The following EYA1 variants were observed in gnomAD, a reference collection of about 807,000 sequenced individuals.
EYA1 encodes the protein protein phosphatase EYA1.
EYA1 carries 16 observed loss-of-function variants against 82.0 expected under a neutral mutation model. The ratio of observed to expected loss-of-function variants is 0.20; its 90% CI spans 0.13 to 0.30. The LOEUF (loss-of-function observed/expected upper bound fraction) is 0.30. EYA1 is among the 10% of genes least tolerant of loss of function. EYA1 has a pLI of 1.00. For synonymous variants in EYA1, 261 were observed against 264.4 expected (o/e 0.99, Z 0.12); for missense variants, 633 against 730.7 (o/e 0.87, Z 1.54).
chr8:71,342,443 C>T (rs1157570837), intron 3 of EYA1, among the ~76,000 whole-genome samples: 5 of 152,134 alleles, frequency 3.3e-5, no homozygotes, highest in Non-Finnish European at 5.9e-5. Context: ...TTTCCCAATA[C>T]TCAGCTCAGA....
At chr8:71,286,865 C>T (rs1349531566) in intron 9 of EYA1, among the ~76,000 whole-genome samples, 3 of 146,652 alleles carry the variant, frequency 2.0e-5, no homozygotes, top group African/African-American at 7.6e-5. Flanking sequence ...TGCAGTGGCA[C>T]GATCTCAGTT....
At chr8:71,205,102 G>C (rs1042067868) in intron 17 of EYA1, among the ~76,000 whole-genome samples, 1 of 152,060 alleles carries the variant, frequency 6.6e-6, no homozygotes, top group Non-Finnish European at 1.5e-5. Context: ...TTATTAATCA[G>C]GTTCTCGGCT....
At chr8:71,344,687 G>A (rs181426718) in intron 3 of EYA1, among the ~76,000 whole-genome samples, 3 of 152,266 alleles carry the variant, frequency 2.0e-5, no homozygotes, top group Admixed American at 2.0e-4. Context: ...ATCAGTGAAT[G>A]GCACGGCAAT....
At chr8:71,416,610 C>G (rs1299495594) in intron 2 of EYA1, among the ~76,000 whole-genome samples, 2 of 152,188 alleles carry the variant, frequency 1.3e-5, no homozygotes, top group Non-Finnish European at 2.9e-5. Context: ...TGCAATCTTC[C>G]TAGGTGATCC....
At chr8:71,445,031 A>C (rs967106182) in intron 2 of EYA1, among the ~76,000 whole-genome samples, 5 of 152,338 alleles carry the variant, frequency 3.3e-5, no homozygotes, top group African/African-American at 1.2e-4. Flanking sequence ...GAGTTTTCAC[A>C]AGATAATTTG....
chr8:71,264,477 C>G (rs150325640), intron 11 of EYA1, among the ~76,000 whole-genome samples: 197 of 152,248 alleles, frequency 1.3e-3, no homozygotes, highest in African/African-American at 4.3e-3. Context: ...CTCTAGAGAG[C>G]AACTACAAGT....
intron 2 of EYA1, among the ~76,000 whole-genome samples, chr8:71,418,889 C>G (rs1246538115): frequency 6.6e-6 from 1 of 152,034 alleles, no homozygotes; most frequent in Non-Finnish European, 1.5e-5. Context: ...GGATGGGGAC[C>G]TAAAGGAAGT....
At chr8:71,440,384 T>C (rs1267808326) in intron 2 of EYA1, among the ~76,000 whole-genome samples, 1 of 152,112 alleles carries the variant, frequency 6.6e-6, no homozygotes, top group Non-Finnish European at 1.5e-5. Context: ...TTGAACGACA[T>C]GGGCAGGGCT....
At chr8:71,494,022 CAAAAAA>C (rs34340467) in intron 2 of EYA1, among the ~76,000 whole-genome samples, 19 of 41,872 alleles carry the variant, frequency 4.5e-4, no homozygotes, top group Non-Finnish European at 6.6e-4. Flanking sequence ...GACTCCGTCT[CAAAAAA>C]AAAAAAAAAA....
chr8:71,271,853 C>T lies in EYA1; in HGVS notation c.871G>A (p.Asp291Asn), dbSNP rs779045401. Residue 291 changes from aspartate to asparagine, a missense_variant, in exon 10 of 18, where the codon GAT becomes AAT. By Grantham distance (23) the Asp-to-Asn change is conservative (BLOSUM62 1). Transcript: ENST00000340726. Reference protein sequence around the residue: ...HSPSTPIKDSDSDRLRRGSDG... With the variant: ...HSPSTPIKDSNSDRLRRGSDG... ...GAACCTCGACGCAATCGATCAGAAT[C>T]TGAATCTTTAATGGGTGTTGATGGG... 9.9e-6 allele frequency: 16 copies of T among 1,614,066 alleles called. No homozygotes were observed. The South Asian group carries it at 1.8e-4, about 18-fold the overall frequency.
intron 2 of EYA1, among the ~76,000 whole-genome samples, chr8:71,433,276 A>G (rs1383617118): frequency 1.3e-5 from 2 of 152,236 alleles, no homozygotes; most frequent in Non-Finnish European, 1.5e-5. Flanking sequence ...GAAAGATTTG[A>G]AAAGAAAAAA....
intron 2 of EYA1, among the ~76,000 whole-genome samples, chr8:71,465,122 C>CT (rs1233737642): frequency 6.6e-6 from 1 of 152,104 alleles, no homozygotes; most frequent in Non-Finnish European, 1.5e-5. Flanking sequence ...CTAAATGATA[C>CT]TTTATTACTG....
At chr8:71,438,653 G>A (rs545231210) in intron 2 of EYA1, among the ~76,000 whole-genome samples, 1 of 152,248 alleles carries the variant, frequency 6.6e-6, no homozygotes, top group East Asian at 1.9e-4. Flanking sequence ...AATGTGGAGA[G>A]TGTGAGCAGA....
At chr8:71,453,054 C>A (rs1422630134) in intron 2 of EYA1, among the ~76,000 whole-genome samples, 1 of 152,094 alleles carries the variant, frequency 6.6e-6, no homozygotes, top group Non-Finnish European at 1.5e-5. Flanking sequence ...ACTAGAATAA[C>A]CAGTGTAAAG....
chr8:71,500,707 C>G (rs573846772), intron 2 of EYA1, among the ~76,000 whole-genome samples: 5 of 152,108 alleles, frequency 3.3e-5, no homozygotes, highest in Non-Finnish European at 7.4e-5. Flanking sequence ...AAGGAAATTA[C>G]CTACATTCTG....
chr8:71,446,412 C>T (rs190135819), intron 2 of EYA1, among the ~76,000 whole-genome samples: 7 of 151,330 alleles, frequency 4.6e-5, no homozygotes, highest in Admixed American at 1.3e-4. Flanking sequence ...TCCCCTTCTG[C>T]CATGTAAGTT....
intron 12 of EYA1, among the ~76,000 whole-genome samples, chr8:71,217,254 AC>A (rs1286403784): frequency 6.6e-6 from 1 of 152,176 alleles, no homozygotes; most frequent in Non-Finnish European, 1.5e-5. Flanking sequence ...GCTTCAGAAA[AC>A]ACATTTTTGT....
At chr8:71,511,703 G>A (rs147739876) in intron 2 of EYA1, among the ~76,000 whole-genome samples, 2 of 152,264 alleles carry the variant, frequency 1.3e-5, no homozygotes, top group East Asian at 1.9e-4. Flanking sequence ...TAAGCTCCAC[G>A]CCTTATGCTA....
At chr8:71,252,230 T>C (rs911908409) in intron 11 of EYA1, among the ~76,000 whole-genome samples, 5 of 151,948 alleles carry the variant, frequency 3.3e-5, no homozygotes, top group African/African-American at 7.2e-5. Context: ...GATGAAGGCA[T>C]TGTTGTTTTT....
Sources: allele counts gnomAD v4.1 joint callset (sites outside exome capture counted in the v4.1 genomes callset), GRCh38; gene constraint gnomAD v4.1.1; transcripts MANE v1.5; gene names NCBI Gene and HGNC (gene_info 2026-07-23, HGNC 2026-07-21).